NAALAD2: variants seen among roughly 807,000 people sequenced by gnomAD.
NAALAD2 encodes N-acetylated alpha-linked acidic dipeptidase 2, also known as N-acetylated-alpha-linked acidic dipeptidase 2.
A neutral mutation model predicts 95.6 loss-of-function variants in NAALAD2; 89 were observed. The observed-to-expected ratio is 0.93, with a 90% CI of 0.78 to 1.11. NAALAD2 has a LOEUF of 1.11. NAALAD2 is among the 50% of genes least tolerant of loss of function. NAALAD2 has a pLI of 0.00. For missense variants in NAALAD2, 894 were observed against 872.4 expected, an observed-to-expected ratio of 1.02 and a Z score of -0.31; for synonymous variants, 264 against 294.4, an observed-to-expected ratio of 0.90 and a Z score of 1.06.
chr11:90,166,841 A>AG, intron 11 of NAALAD2, among the ~76,000 whole-genome samples: 1 of 126,840 alleles, frequency 7.9e-6, no homozygotes, highest in East Asian at 2.3e-4. Context: ...TCTCCAAAAA[A>AG]AAAAAAAAAA....
upstream of NAALAD2, among the ~76,000 whole-genome samples, chr11:90,134,045 C>A (rs1388168813): frequency 6.6e-6 from 1 of 152,150 alleles, no homozygotes; most frequent in Non-Finnish European, 1.5e-5. Flanking sequence ...TGAGCTTTAG[C>A]ATTAAGAACA....
intron 5 of NAALAD2, among the ~76,000 whole-genome samples, chr11:90,151,883 G>A (rs770640650): frequency 6.6e-5 from 10 of 152,204 alleles, no homozygotes; most frequent in South Asian, 2.1e-4. Context: ...TATGATGTGC[G>A]AGATTTTACA....
In NAALAD2 at chr11:90,192,371, T is replaced by G. The variant is rs1022460905; in HGVS notation, c.*624T>G. 6.6e-6 allele frequency: 1 copy of G among 151,986 alleles called. No individual in the cohort carries two copies. The highest frequency in any genetic ancestry group is 1.5e-5 in the Non-Finnish European group (1 of 67,904). 9.4% of individuals were successfully genotyped at this position (151,986 alleles called of 1,614,324 possible). ...GAAAAAAGCCAGACAAACAACTACA[T>G]AAAATATGTTTCTATTTAGATGAAG... On this transcript the variant is annotated 3_prime_UTR_variant, in exon 19 of 19. Coordinates refer to ENST00000534061, the MANE Select transcript of NAALAD2 (RefSeq NM_005467.4).
chr11:90,148,117 A>G (rs1028762712), intron 3 of NAALAD2, among the ~76,000 whole-genome samples: 19 of 152,282 alleles, frequency 1.2e-4, no homozygotes, highest in African/African-American at 4.6e-4. Context: ...ACGGGAGCCA[A>G]TGACAAGTCC....
In NAALAD2 at chr11:90,149,088, C is replaced by T. The variant is rs1312641190; in HGVS notation, c.464C>T (p.Ser155Leu). The change falls in exon 4 of 19, where the codon TCA (serine) becomes TTA (leucine). Residue 155 changes from serine to leucine, a missense_variant. Coordinates refer to ENST00000534061, the MANE Select transcript of NAALAD2 (RefSeq NM_005467.4). Reference protein sequence around the residue: ...TNIVPPYNAFSAQGMPEGDLV... With the variant: ...TNIVPPYNAFLAQGMPEGDLV... ...ATTGTGCCACCATATAATGCTTTCT[C>T]AGCCCAAGGCATGCCAGAGGTAAAA... 2.5e-6 allele frequency: 4 copies of T among 1,585,174 alleles called. No individual in the cohort carries two copies. The highest frequency in any genetic ancestry group is 1.7e-5 in the Admixed American group (1 of 57,998).
Position 90,155,688 on chromosome 11 carries a change from CATACAT to C in NAALAD2, c.797-2454_797-2449del, listed in dbSNP as rs1229007729. Among the ~76,000 whole-genome samples the C allele has an allele frequency of 7.6e-5, 3 of 39,582 alleles. 1 individual carries two copies. Among genetic ancestry groups the C allele is most frequent in the African/African-American group, 5.5e-4 (3 of 5,488 alleles). The allele number at this position is 39,582 out of a possible 152,430, so 26.0% of individuals were successfully genotyped here. On this transcript the variant is annotated intron_variant, in intron 6 of 18. Transcript: ENST00000534061. ...TATTATTGTATGTATGTAATACATACATACATATGTATGTATTATTATTGTATGTAT... is the reference window on the plus strand; with the variant it reads ...TATTATTGTATGTATGTAATACATACATGTATGTATTATTATTGTATGTAT...
chr11:90,167,236 A>C (rs1952488056), intron 11 of NAALAD2, among the ~76,000 whole-genome samples: 1 of 152,102 alleles, frequency 6.6e-6, no homozygotes, highest in Admixed American at 6.5e-5. Context: ...CTTGCGGCCC[A>C]GCGAGAGTTC....
intron 12 of NAALAD2, chr11:90,169,431 A>G (rs1204265164): frequency 1.3e-5 from 2 of 154,196 alleles, no homozygotes; most frequent in Non-Finnish European, 2.9e-5. Context: ...ACTCCTTTTG[A>G]ACTACAAACT....
At chr11:90,133,383 A>G (rs1951382676), upstream of NAALAD2, among the ~76,000 whole-genome samples, 1 of 152,190 alleles carries the variant, frequency 6.6e-6, no homozygotes. Flanking sequence ...TGAATGTAGC[A>G]TGGTGAGGAC....
chr11:90,132,309 A>G (rs1248742053), upstream of NAALAD2: 1 of 152,472 alleles, frequency 6.6e-6, no homozygotes, highest in Non-Finnish European at 1.5e-5. Flanking sequence ...CTATTACTCA[A>G]ACTTCAATTA....
In NAALAD2 at chr11:90,181,726, T is replaced by A. The variant is rs977349559; in HGVS notation, c.1940+25T>A. ...AGTAAGTTTCAAATCCCTTTTTTTT[T>A]AAAAAAAAAAAAAAAAGCAATCTGG... On this transcript the variant is annotated intron_variant, in intron 17 of 18. Coordinates refer to ENST00000534061, the MANE Select transcript of NAALAD2 (RefSeq NM_005467.4). The A allele has an allele frequency of 1.8e-3, 1,809 of 981,590 alleles. 3 individuals carry two copies. Among genetic ancestry groups the A allele is most frequent in the African/African-American group, 5.3e-3 (220 of 41,782 alleles). The allele number at this position is 981,590 out of a possible 1,614,324, so 60.8% of individuals were successfully genotyped here. A position where few individuals can be genotyped will look rare whatever the true frequency, so the allele number is the denominator to read the frequency against.
At chr11:90,180,369 A>G (rs992183427) in intron 16 of NAALAD2, among the ~76,000 whole-genome samples, 1 of 152,124 alleles carries the variant, frequency 6.6e-6, no homozygotes, top group Non-Finnish European at 1.5e-5. Context: ...AACAATTAAA[A>G]GTTAAGGAAA....
rs1322204773 is a variant in NAALAD2 at position 90,152,466 on chromosome 11, C to T, written c.778C>T (p.Pro260Ser). 1.9e-6 allele frequency: 3 copies of T among 1,610,446 alleles called. No homozygotes were observed. The African/African-American group carries it at 4.0e-5, about 22-fold the overall frequency. The change falls in exon 6 of 19, where the codon CCA (proline) becomes TCA (serine). Residue 260 changes from proline to serine, a missense_variant. Transcript: ENST00000534061. Reference sequence around the variant, plus strand: ...GAATGGTGCTGGTGACCCACTCACTCCAGGCTATCCAGCAAAAGGTAAGGG... The same window carrying T: ...GAATGGTGCTGGTGACCCACTCACTTCAGGCTATCCAGCAAAAGGTAAGGG... ...NLNGAGDPLTPGYPAKEYTFR... is the reference protein window; with the variant it reads ...NLNGAGDPLTSGYPAKEYTFR...
chr11:90,151,142 G>T (rs1056421614), intron 5 of NAALAD2, among the ~76,000 whole-genome samples: 2 of 151,994 alleles, frequency 1.3e-5, no homozygotes, highest in East Asian at 1.9e-4. Flanking sequence ...CTGGGTTCTT[G>T]TCTAGTCTGG....
rs1208548323 is a variant in NAALAD2, at chr11:90,180,097, A to C, written c.1859-1523A>C. On this transcript the variant is annotated intron_variant, in intron 16 of 18. Coordinates refer to ENST00000534061, the MANE Select transcript of NAALAD2 (RefSeq NM_005467.4). ...TGAATGAATGAATGAATGAATGAAT[A>C]CATAATCTACACTCCCTGTCTATAG... is the stretch of plus-strand genomic sequence containing the variant. Among the ~76,000 whole-genome samples the C allele has an allele frequency of 4.6e-5, 7 of 151,542 alleles. No individual in the cohort carries two copies. In the South Asian group the frequency reaches 1.3e-3, roughly 27 times the overall value.
In NAALAD2 at chr11:90,167,789, A is replaced by G. The variant is rs895095399; in HGVS notation, c.1279-1140A>G. Among the ~76,000 whole-genome samples, 18 of 152,262 alleles carry G rather than the reference A, an allele frequency of 1.2e-4. No homozygotes were observed. In the South Asian group the frequency reaches 3.7e-3, roughly 32 times the overall value. ...GCTAATCTAGTGGGGACGTGGGGAA[A>G]GAACTTTTGTGTGTAGCTCAGGGAT... is the stretch of plus-strand genomic sequence containing the variant. On this transcript the variant is annotated intron_variant, in intron 11 of 18. Coordinates refer to ENST00000534061, the MANE Select transcript of NAALAD2 (RefSeq NM_005467.4).
chr11:90,162,254 C>T (rs1952317749), intron 8 of NAALAD2, among the ~76,000 whole-genome samples: 1 of 152,006 alleles, frequency 6.6e-6, no homozygotes. Context: ...TGATATTTTC[C>T]CTTGTTTTCT....
At position 90,176,045 on chromosome 11, in the gene NAALAD2, C is replaced by T. The variant is rs758160068; in HGVS notation, c.1576C>T (p.Arg526Cys). 1.1e-5 allele frequency: 17 copies of T among 1,612,936 alleles called. No homozygotes were observed. The highest frequency in any genetic ancestry group is 1.6e-4 in the Middle Eastern group (1 of 6,062). ...QRLGIASGRA[R>C]YTKNKKTDKY... is the part of the protein sequence containing the mutation. ...ACTTGGAATTGCTTCAGGCAGAGCC[C>T]GTTACACTAAGAATAAGGTAAGCCA... The change falls in exon 15 of 19, where the codon CGT becomes TGT. Residue 526 changes from arginine to cysteine, a missense_variant. Arg to Cys is a radical substitution (Grantham distance 180). Coordinates refer to ENST00000534061, the MANE Select transcript of NAALAD2 (RefSeq NM_005467.4).
intron 7 of NAALAD2, 52 bp downstream of exon 7, chr11:90,158,290 A>G (rs755565672): frequency 5.9e-6 from 8 of 1,349,246 alleles, no homozygotes; most frequent in Middle Eastern, 1.9e-4. Context: ...CTAGTTGTCT[A>G]TTTTCTCATT....
Sources: gnomAD v4.1 joint callset for allele counts (sites outside exome capture counted in the v4.1 genomes callset) on GRCh38, gnomAD v4.1.1 for gene constraint, MANE v1.5 for transcripts, NCBI Gene and HGNC (gene_info 2026-07-23, HGNC 2026-07-21) for gene names.